The following KPNA3 variants were observed in gnomAD, a reference collection of about 807,000 sequenced individuals.
The protein encoded by KPNA3 is karyopherin subunit alpha 3.
KPNA3 carries 13 observed loss-of-function variants against 73.8 expected under a neutral mutation model. That is an observed-to-expected ratio of 0.18 (90% CI 0.11 to 0.28). The LOEUF (loss-of-function observed/expected upper bound fraction) is 0.28, where lower values mean the gene tolerates loss of function less well. Ranked by LOEUF, KPNA3 falls within the 10% of genes least tolerant of loss-of-function variation. KPNA3 has a pLI of 1.00. For missense variants in KPNA3, 360 were observed against 618.1 expected, an observed-to-expected ratio of 0.58 and a Z score of 4.43; for synonymous variants, 186 against 206.9, an observed-to-expected ratio of 0.90 and a Z score of 0.87.
At chr13:49,716,007 A>AT (rs61693878) in intron 10 of KPNA3, among the ~76,000 whole-genome samples, 127,866 of 151,472 alleles carry the variant, frequency 0.84, 54,202 homozygotes, top group East Asian at 1. Context: ...GCAGAAAACT[A>AT]TTTTTTTTTC....
intron 1 of KPNA3, among the ~76,000 whole-genome samples, chr13:49,756,370 T>C (rs1954711769): frequency 6.6e-6 from 1 of 152,076 alleles, no homozygotes; most frequent in South Asian, 2.1e-4. Flanking sequence ...GTCAAGACCA[T>C]ACATAGCGAG....
chr13:49,779,573 A>G (rs1954924910), intron 1 of KPNA3, among the ~76,000 whole-genome samples: 5 of 152,110 alleles, frequency 3.3e-5, no homozygotes, highest in Admixed American at 3.3e-4. Flanking sequence ...TCCTTTTCTA[A>G]CCAAGTCCTC....
At chr13:49,789,568 T>C (rs777176584) in intron 1 of KPNA3, among the ~76,000 whole-genome samples, 23 of 152,200 alleles carry the variant, frequency 1.5e-4, no homozygotes, top group Non-Finnish European at 3.2e-4. Context: ...TGTGAAAAAA[T>C]AGGCATCATA....
At position 49,719,787 on chromosome 13, in the gene KPNA3, A is replaced by G. The variant is rs1180179167; in HGVS notation, c.759T>C (p.His253=). 1.9e-6 allele frequency: 3 copies of G among 1,601,226 alleles called. No homozygotes were observed. In the Middle Eastern group the frequency reaches 5.0e-4, roughly 265 times the overall value. ...CTTCTTAACTTACGTTTATATCTGT[A>G]TGGTATATGAGGACACATAAAGCTG... ...ILPALCVLIY[H]TDINILVDTV... Residue 253 remains histidine (H), a synonymous_variant, in exon 10 of 17, where the codon CAT becomes CAC. Transcript: ENST00000261667.
intron 1 of KPNA3, among the ~76,000 whole-genome samples, chr13:49,759,707 G>A (rs1954742424): frequency 6.7e-6 from 1 of 149,274 alleles, no homozygotes; most frequent in African/African-American, 2.6e-5. Context: ...GATCTGACAG[G>A]AAGTGGAGCT....
intron 9 of KPNA3, among the ~76,000 whole-genome samples, chr13:49,721,175 T>C (rs954580015): frequency 6.6e-6 from 1 of 151,816 alleles, no homozygotes; most frequent in Admixed American, 6.6e-5. Context: ...GCTGAGATCA[T>C]GCCACTGCAC....
chr13:49,755,120 A>C (rs965541901), intron 1 of KPNA3, among the ~76,000 whole-genome samples: 1 of 152,204 alleles, frequency 6.6e-6, no homozygotes, highest in African/African-American at 2.4e-5. Context: ...GACTGCAGAT[A>C]CAAAAATCCT....
rs537159383 is a variant in KPNA3 at position 49,760,332 on chromosome 13, T to C, written c.70-13339A>G. Among the ~76,000 whole-genome samples, 116 of 151,412 alleles carry C rather than the reference T, an allele frequency of 7.7e-4. No individual in the cohort carries two copies. In the Middle Eastern group the frequency reaches 0.014, roughly 18 times the overall value. ...CAGGAGACTGAGGTGGGAGGACTGC[T>C]TGAGCCCAGGAGGCAGAGGTTGCAG... On this transcript the variant is annotated intron_variant, in intron 1 of 16. Coordinates refer to ENST00000261667, the MANE Select transcript of KPNA3 (RefSeq NM_002267.4).
At chr13:49,787,296 A>G (rs1408177186) in intron 1 of KPNA3, among the ~76,000 whole-genome samples, 1 of 152,252 alleles carries the variant, frequency 6.6e-6, no homozygotes, top group African/African-American at 2.4e-5. Context: ...AAGAGTAAAA[A>G]GATAAAAAGG....
chr13:49,758,727 CAT>C (rs1444371172), intron 1 of KPNA3, among the ~76,000 whole-genome samples: 6 of 148,898 alleles, frequency 4.0e-5, no homozygotes, highest in Admixed American at 1.4e-4. Context: ...TATAAATATG[CAT>C]ATAAATATGT....
At chr13:49,733,260 T>C (rs916512741) in intron 2 of KPNA3, among the ~76,000 whole-genome samples, 5 of 151,246 alleles carry the variant, frequency 3.3e-5, no homozygotes, top group African/African-American at 9.7e-5. Flanking sequence ...ACACACACAC[T>C]TCATTAAGCA....
At chr13:49,722,585 AT>A (rs1338826845) in intron 7 of KPNA3, 22 bp from the exon 8 acceptor site, 1 of 1,418,314 alleles carries the variant, frequency 7.1e-7, no homozygotes, top group Non-Finnish European at 9.9e-7. Flanking sequence ...AAAAACTAAT[AT>A]TTATACTAGC....
chr13:49,746,756 A>C (rs1954620578), intron 2 of KPNA3, among the ~76,000 whole-genome samples, 193 bp downstream of exon 2: 1 of 152,356 alleles, frequency 6.6e-6, no homozygotes, highest in Non-Finnish European at 1.5e-5. Context: ...GTGATGGTAA[A>C]GTGCTTCACA....
At chr13:49,724,037 T>C (rs980521799) in intron 7 of KPNA3, among the ~76,000 whole-genome samples, 4 of 152,148 alleles carry the variant, frequency 2.6e-5, no homozygotes, top group African/African-American at 9.7e-5. Flanking sequence ...ACAAATGAAA[T>C]CATACTGTGT....
At chr13:49,737,978 T>C (rs187813353) in intron 2 of KPNA3, among the ~76,000 whole-genome samples, 203 of 152,336 alleles carry the variant, frequency 1.3e-3, no homozygotes, top group African/African-American at 4.6e-3. Context: ...TGGCCAAATA[T>C]AGCTCTTTGT....
chr13:49,722,155 A>C (rs1031013290), intron 8 of KPNA3, 31 bp from the exon 9 acceptor site: 2 of 1,420,964 alleles, frequency 1.4e-6, no homozygotes, highest in Non-Finnish European at 1.9e-6. Context: ...TTTAAAAAAA[A>C]CTTACATTCA....
chr13:49,791,864 C>T (rs1955035773), intron 1 of KPNA3, among the ~76,000 whole-genome samples: 1 of 152,238 alleles, frequency 6.6e-6, no homozygotes, highest in Admixed American at 6.5e-5. Context: ...GCGCATCCTA[C>T]CCTCCCCCAT....
In KPNA3 at chr13:49,712,778, G is replaced by C. The variant is rs1242242312; in HGVS notation, c.772-1756C>G. Among the ~76,000 whole-genome samples, 6 of 151,716 alleles carry C rather than the reference G, an allele frequency of 4.0e-5. No homozygotes were observed. In the East Asian group the frequency reaches 1.2e-3, roughly 29 times the overall value. ...TTAAAACTGTCAAAACAGATAGTAA[G>C]AGAGCATTAAAAAGGTGTAAGAATA... On this transcript the variant is annotated intron_variant, in intron 10 of 16. Transcript: ENST00000261667.
At chr13:49,715,917 A>G (rs1954300091) in intron 10 of KPNA3, among the ~76,000 whole-genome samples, 1 of 152,242 alleles carries the variant, frequency 6.6e-6, no homozygotes, top group Non-Finnish European at 1.5e-5. Flanking sequence ...GTTTAAATAA[A>G]CTGTGTCCAC....
Sources: gnomAD v4.1 joint callset for allele counts (sites outside exome capture counted in the v4.1 genomes callset) on GRCh38, gnomAD v4.1.1 for gene constraint, MANE v1.5 for transcripts, NCBI Gene and HGNC (gene_info 2026-07-23, HGNC 2026-07-21) for gene names.